PCDHGB4: variants seen among roughly 807,000 people sequenced by gnomAD.
PCDHGB4 encodes protocadherin gamma-B4.
Under a neutral mutation model 60.5 loss-of-function variants are expected in PCDHGB4, and 38 were observed. That is an observed-to-expected ratio of 0.63 (90% CI 0.48 to 0.82). The LOEUF (loss-of-function observed/expected upper bound fraction) is 0.82. Among genes scored for constraint, PCDHGB4 ranks in the 40% least tolerant of loss-of-function variants. The probability of loss-of-function intolerance (pLI) is 0.00; values close to 1 mark genes in which losing one functional copy is unlikely to be tolerated. For missense variants in PCDHGB4, 1,109 were observed against 1,209.6 expected (o/e 0.92, Z 1.23); for synonymous variants, 456 against 509.7 (o/e 0.89, Z 1.42).
At position 141,490,370 on chromosome 5, in the gene PCDHGB4, G is replaced by C. The variant is rs768474199; in HGVS notation, c.2398-4437G>C. ...GTGGGGTTGTTTAATGTGCGAGACC[G>C]GGACTCAGGTAGAAATGGTGAAGTG... On this transcript the variant is annotated intron_variant, in intron 1 of 3. Coordinates refer to ENST00000519479, the MANE Select transcript of PCDHGB4 (RefSeq NM_003736.4). The surrounding 1 kb of genome is among the most constrained non-coding windows in gnomAD (Gnocchi z 5.4). 1 of 1,614,172 alleles carries C rather than the reference G, an allele frequency of 6.2e-7. No individual in the cohort carries two copies. Among genetic ancestry groups the C allele is most frequent in the Admixed American group, 1.7e-5 (1 of 60,026 alleles).
In PCDHGB4 at chr5:141,404,750, C is replaced by G. The variant is rs1321458841; in HGVS notation, c.2397+14469C>G. The stretch of plus-strand genomic sequence containing the variant: ...GGTGGCAGTGGACAGAGACTCAGGC[C>G]AGAATGCTTGGCTCTCCTACCGCCT... On this transcript the variant is annotated intron_variant, in intron 1 of 3. Coordinates refer to ENST00000519479, the MANE Select transcript of PCDHGB4 (RefSeq NM_003736.4). 10 of 1,613,702 alleles carry G rather than the reference C, an allele frequency of 6.2e-6. No homozygotes were observed. In the African/African-American group the frequency reaches 1.3e-4, roughly 22 times the overall value.
Position 141,511,502 on chromosome 5 carries a change from A to C in PCDHGB4, c.*329A>C. The C allele has an allele frequency of 2.0e-5, 8 of 395,260 alleles. No individual in the cohort carries two copies. The highest frequency in any genetic ancestry group is 4.1e-5 in the African/African-American group (2 of 48,892). The allele number at this position is 395,260 out of a possible 1,614,324, so 24.5% of individuals were successfully genotyped here. A position where few individuals can be genotyped will look rare whatever the true frequency, so the allele number is the denominator to read the frequency against. ...CTGAACTCCTCCATCTTCCAAATCA[A>C]TCAGGCCCATCCATCCCATGCCTCC... On this transcript the variant is annotated 3_prime_UTR_variant, in exon 4 of 4. Transcript: ENST00000519479.
Position 141,477,029 on chromosome 5 carries a change from A to G in PCDHGB4, c.2398-17778A>G. 6.2e-7 allele frequency: 1 copy of G among 1,614,238 alleles called. No homozygotes were observed. The highest frequency in any genetic ancestry group is 8.5e-7 in the Non-Finnish European group (1 of 1,180,040). ...CTTAGACCTTGTAACCGGGATGCTG[A>G]CAATCAAGGGTCGGCTGGACTTCGA... On this transcript the variant is annotated intron_variant, in intron 1 of 3. Coordinates refer to ENST00000519479, the MANE Select transcript of PCDHGB4 (RefSeq NM_003736.4). The surrounding 1 kb of genome is among the most constrained non-coding windows in gnomAD (Gnocchi z 4.9).
intron 1 of PCDHGB4, among the ~76,000 whole-genome samples, chr5:141,483,084 C>CA (rs898059463): frequency 8.0e-5 from 12 of 150,326 alleles, no homozygotes; most frequent in Admixed American, 2.0e-4. Context: ...GACTCCATCT[C>CA]AAAAAAAAAG....
chr5:141,507,553 C>T (rs1382652977), intron 3 of PCDHGB4, among the ~76,000 whole-genome samples: 4 of 152,192 alleles, frequency 2.6e-5, no homozygotes, highest in Admixed American at 2.0e-4. Flanking sequence ...ATGAAAGTGG[C>T]AGGCGGCTGG....
chr5:141,397,820 C>G (rs2093573235), intron 1 of PCDHGB4, among the ~76,000 whole-genome samples: 1 of 152,240 alleles, frequency 6.6e-6, no homozygotes, highest in Non-Finnish European at 1.5e-5. Flanking sequence ...AAAACAATTA[C>G]TGCACTGGTT....
chr5:141,432,014 A>C lies in PCDHGB4; in HGVS notation c.2397+41733A>C, dbSNP rs778393699. Reference sequence around the variant, plus strand: ...GGATAGGGAACAGGTTCCTAGCTACAACATCACAGTGACCGCCACTGACCG... The same window carrying C: ...GGATAGGGAACAGGTTCCTAGCTACCACATCACAGTGACCGCCACTGACCG... On this transcript the variant is annotated intron_variant, in intron 1 of 3. Transcript: ENST00000519479. This position sits in a 1 kb window ranked among gnomAD's most constrained non-coding sequence, Gnocchi z 6.0. 16 of 1,614,196 alleles carry C rather than the reference A, an allele frequency of 9.9e-6. 1 individual carries two copies. In the South Asian group the frequency reaches 1.6e-4, roughly 17 times the overall value.
chr5:141,422,539 C>T (rs1335732614), intron 1 of PCDHGB4: 6 of 1,613,876 alleles, frequency 3.7e-6, no homozygotes, highest in Middle Eastern at 1.6e-4. Context: ...TGCAGAAACT[C>T]ATGTCTGGCT....
At chr5:141,466,296 A>G (rs2099120415) in intron 1 of PCDHGB4, among the ~76,000 whole-genome samples, 1 of 152,136 alleles carries the variant, frequency 6.6e-6, no homozygotes. Flanking sequence ...TCAGGCTCCC[A>G]AGTAGCTGGG....
In PCDHGB4 at chr5:141,432,068, C is replaced by G. The variant is rs1297096209; in HGVS notation, c.2397+41787C>G. ...AACCCCGCCCCTATCCACGGAAACT[C>G]ATATCTCGCTGAACGTGGCAGACAC... On this transcript the variant is annotated intron_variant, in intron 1 of 3. Transcript: ENST00000519479. The surrounding 1 kb of genome is among the most constrained non-coding windows in gnomAD (Gnocchi z 6.0). 6.2e-7 allele frequency: 1 copy of G among 1,614,210 alleles called. No individual in the cohort carries two copies. The highest frequency in any genetic ancestry group is 1.7e-5 in the Admixed American group (1 of 60,028).
At chr5:141,399,318 G>A (rs772027563) in intron 1 of PCDHGB4, 19 of 1,613,830 alleles carry the variant, frequency 1.2e-5, no homozygotes, top group East Asian at 4.5e-5. Context: ...CCAAAAATTC[G>A]TATAAGTTGG....
intron 1 of PCDHGB4, chr5:141,400,023 C>T (rs755667675): frequency 1.1e-5 from 18 of 1,612,872 alleles, no homozygotes; most frequent in Non-Finnish European, 1.3e-5. Context: ...GCGACAGGGA[C>T]GCGGCCCGCC....
In PCDHGB4 at chr5:141,489,537, C is replaced by T. The variant is rs2099688580; in HGVS notation, c.2398-5270C>T. 6.2e-6 allele frequency: 10 copies of T among 1,614,118 alleles called. No homozygotes were observed. Among genetic ancestry groups the T allele is most frequent in the Non-Finnish European group, 8.5e-6 (10 of 1,180,028 alleles). ...ACCGAGAAAGCCTATGTGGAGCCAG[C>T]ACCAGCTGCCTGCTGCCAGTGCAGG... On this transcript the variant is annotated intron_variant, in intron 1 of 3. Transcript: ENST00000519479. This position sits in a 1 kb window ranked among gnomAD's most constrained non-coding sequence, Gnocchi z 4.5.
At position 141,393,662 on chromosome 5, in the gene PCDHGB4, A is replaced by T. The variant is rs1442061423; in HGVS notation, c.2397+3381A>T. The T allele has an allele frequency of 8.7e-6, 14 of 1,613,816 alleles. No individual in the cohort carries two copies. In the Admixed American group the frequency reaches 2.3e-4, roughly 27 times the overall value. On this transcript the variant is annotated intron_variant, in intron 1 of 3. Transcript: ENST00000519479. ...GAAAAGTGGCATACAAATTCCGGAAAATTAATGAAAAACAAACTCCGTTAT... is the reference window on the plus strand; with the variant it reads ...GAAAAGTGGCATACAAATTCCGGAATATTAATGAAAAACAAACTCCGTTAT...
chr5:141,466,975 A>G (rs769024064), intron 1 of PCDHGB4, among the ~76,000 whole-genome samples: 1 of 151,842 alleles, frequency 6.6e-6, no homozygotes, highest in Non-Finnish European at 1.5e-5. Flanking sequence ...CTCACAGCTC[A>G]TCATTTACCT....
intron 1 of PCDHGB4, chr5:141,393,919 T>C: frequency 6.2e-7 from 1 of 1,613,992 alleles, no homozygotes; most frequent in Non-Finnish European, 8.5e-7. Flanking sequence ...ATTGCCTTCT[T>C]GAGTGTGCAT....
At chr5:141,398,989 T>G (rs766277028) in intron 1 of PCDHGB4, 2 of 1,613,796 alleles carry the variant, frequency 1.2e-6, no homozygotes, top group Non-Finnish European at 1.7e-6. Flanking sequence ...CGGGCAAATC[T>G]TTAGTCTGAA....
chr5:141,486,408 C>T lies in PCDHGB4; in HGVS notation c.2398-8399C>T. On this transcript the variant is annotated intron_variant, in intron 1 of 3. Coordinates refer to ENST00000519479, the MANE Select transcript of PCDHGB4 (RefSeq NM_003736.4). This position sits in a 1 kb window ranked among gnomAD's most constrained non-coding sequence, Gnocchi z 5.0. ...CAGTTCTCCCTGGTGACTGCTGGAC[C>T]CTTGGATCGAGAGGCCAAATCTAGC... is the stretch of plus-strand genomic sequence containing the variant. The T allele has an allele frequency of 1.2e-6, 2 of 1,614,156 alleles. No individual in the cohort carries two copies. Among genetic ancestry groups the T allele is most frequent in the South Asian group, 2.2e-5 (2 of 91,084 alleles).
chr5:141,419,651 TC>T, intron 1 of PCDHGB4: 28 of 1,612,632 alleles, frequency 1.7e-5, no homozygotes, highest in Non-Finnish European at 2.3e-5. Flanking sequence ...GGACGCGGAC[TC>T]GGGGCACAAT....
Sources: allele counts gnomAD v4.1 joint callset (sites outside exome capture counted in the v4.1 genomes callset), GRCh38; gene constraint gnomAD v4.1.1; non-coding constraint Gnocchi (gnomAD v3.1); transcripts MANE v1.5; gene names NCBI Gene and HGNC (gene_info 2026-07-23, HGNC 2026-07-21).